Variants in TENM2 observed in about 807,000 individuals in gnomAD.
TENM2 encodes teneurin transmembrane protein 2, also known as teneurin-2.
In TENM2, 52 loss-of-function variants were observed where a neutral mutation model predicts 245.2. The ratio of observed to expected loss-of-function variants is 0.21; its 90% confidence interval spans 0.17 to 0.27. TENM2 has a LOEUF of 0.27. Ranked by LOEUF, TENM2 falls within the 10% of genes least tolerant of loss-of-function variation. TENM2 has a pLI of 1.00. For synonymous variants in TENM2, 1,363 were observed against 1,438.9 expected (o/e 0.95, Z 1.19); for missense variants, 3,046 against 3,666.8 (o/e 0.83, Z 4.37).
At chr5:168,236,517 C>A (rs1158689308) in intron 25 of TENM2, among the ~76,000 whole-genome samples, 1 of 152,154 alleles carries the variant, frequency 6.6e-6, no homozygotes, top group Non-Finnish European at 1.5e-5. Flanking sequence ...ATACCCAGGC[C>A]CCCACTGAGC....
chr5:167,697,336 A>G (rs568808527), intron 2 of TENM2, among the ~76,000 whole-genome samples: 31 of 152,236 alleles, frequency 2.0e-4, no homozygotes, highest in Admixed American at 7.2e-4. Flanking sequence ...CTTTCATTCT[A>G]TATTTCACTT....
chr5:167,872,044 A>G (rs1384007392), intron 2 of TENM2, among the ~76,000 whole-genome samples: 1 of 152,048 alleles, frequency 6.6e-6, no homozygotes, highest in Non-Finnish European at 1.5e-5. Context: ...CTGTAATTCC[A>G]GCACTTTGGG....
chr5:168,097,934 A>C (rs1211294725), intron 8 of TENM2, 92 bp from the exon 11 acceptor site: 1 of 836,226 alleles, frequency 1.2e-6, no homozygotes, highest in Non-Finnish European at 2.0e-6. Context: ...GATTACTACC[A>C]CTGGTCTTTA....
intron 2 of TENM2, among the ~76,000 whole-genome samples, chr5:167,783,203 G>A (rs1387841500): frequency 7.2e-6 from 1 of 137,978 alleles, no homozygotes; most frequent in Non-Finnish European, 1.6e-5. Flanking sequence ...TTTTGTTTTT[G>A]TTTGTGTCTT....
intron 1 of TENM2, among the ~76,000 whole-genome samples, chr5:167,343,231 A>G (rs1025419602): frequency 4.6e-5 from 7 of 152,044 alleles, no homozygotes; most frequent in African/African-American, 1.7e-4. Context: ...ATTACAGGGT[A>G]TATCACCTGT....
intron 3 of TENM2, among the ~76,000 whole-genome samples, chr5:167,925,895 C>A (rs565320511): frequency 6.6e-6 from 1 of 152,252 alleles, no homozygotes; most frequent in South Asian, 2.1e-4. Flanking sequence ...TAAGCTGGAG[C>A]TAAATGATAA....
intron 2 of TENM2, among the ~76,000 whole-genome samples, chr5:167,534,066 A>G (rs1450467396): frequency 1.3e-5 from 2 of 152,166 alleles, no homozygotes; most frequent in East Asian, 1.9e-4. Flanking sequence ...TGAAAGAGTG[A>G]TCAGGTGAGG....
chr5:167,110,410 A>G, the TENM2 span, among the ~76,000 whole-genome samples: 1 of 152,162 alleles, frequency 6.6e-6, no homozygotes, highest in Admixed American at 6.5e-5. Flanking sequence ...TCACCATTCA[A>G]AGTCATCCTA....
At chr5:167,528,869 G>T (rs1398952421) in intron 2 of TENM2, among the ~76,000 whole-genome samples, 2 of 151,970 alleles carry the variant, frequency 1.3e-5, no homozygotes, top group South Asian at 2.1e-4. Context: ...CCCTGTTGGT[G>T]GTCCTTTGTC....
chr5:167,432,821 T>C (rs976826241), intron 2 of TENM2, among the ~76,000 whole-genome samples: 2 of 152,148 alleles, frequency 1.3e-5, no homozygotes, highest in Non-Finnish European at 2.9e-5. Flanking sequence ...TCAGCAAATG[T>C]CAAGGTGGTT....
intron 2 of TENM2, among the ~76,000 whole-genome samples, chr5:167,804,000 G>A (rs79659932): frequency 0.014 from 2,156 of 151,956 alleles, 51 homozygotes; most frequent in African/African-American, 0.049. Flanking sequence ...CTTTTTGAGC[G>A]CCAGCATGAT....
intron 2 of TENM2, among the ~76,000 whole-genome samples, chr5:167,849,703 T>C (rs1328924139): frequency 6.6e-6 from 1 of 152,236 alleles, no homozygotes; most frequent in African/African-American, 2.4e-5. Context: ...CCTTGGGTTC[T>C]ATTAATTTGC....
chr5:166,998,438 A>G, the TENM2 span, among the ~76,000 whole-genome samples: 1 of 152,218 alleles, frequency 6.6e-6, no homozygotes, highest in African/African-American at 2.4e-5. Context: ...TTACACCTGG[A>G]TGAACCAGAC....
chr5:167,749,464 C>T (rs899022259), intron 2 of TENM2, among the ~76,000 whole-genome samples: 1 of 152,036 alleles, frequency 6.6e-6, no homozygotes, highest in African/African-American at 2.4e-5. Flanking sequence ...TTGATGAAAC[C>T]CTGCCTCTAC....
chr5:167,448,167 G>T (rs981318867), intron 2 of TENM2, among the ~76,000 whole-genome samples: 2 of 152,064 alleles, frequency 1.3e-5, no homozygotes, highest in East Asian at 1.9e-4. Flanking sequence ...CAGCACAATG[G>T]CATGTCCCCC....
At chr5:167,145,904 TATG>T in the TENM2 span, among the ~76,000 whole-genome samples, 5 of 152,170 alleles carry the variant, frequency 3.3e-5, no homozygotes, top group Admixed American at 3.3e-4. Context: ...GTTCACCTAT[TATG>T]ATGATGATGT....
intron 2 of TENM2, among the ~76,000 whole-genome samples, chr5:167,734,709 T>C (rs1198117945): frequency 2.6e-5 from 4 of 152,134 alleles, no homozygotes. Context: ...GCATAATCTA[T>C]ACTGCACCCT....
intron 13 of TENM2, among the ~76,000 whole-genome samples, chr5:168,180,419 C>T (rs1759765657): frequency 6.6e-6 from 1 of 152,246 alleles, no homozygotes; most frequent in Non-Finnish European, 1.5e-5. Context: ...CCTCCCCTCC[C>T]ACCTCCACTT....
chr5:167,786,693 G>A (rs892291407), intron 2 of TENM2, among the ~76,000 whole-genome samples: 22 of 152,266 alleles, frequency 1.4e-4, no homozygotes, highest in Middle Eastern at 6.8e-3. Flanking sequence ...AAGGGGATGG[G>A]AATCAGGCAG....
Sources: allele counts gnomAD v4.1 joint callset (sites outside exome capture counted in the v4.1 genomes callset), GRCh38; gene constraint gnomAD v4.1.1; transcripts MANE v1.5; gene names NCBI Gene and HGNC (gene_info 2026-07-23, HGNC 2026-07-21).